Variants in C12orf42 observed in about 807,000 individuals in gnomAD.
C12orf42 encodes chromosome 12 open reading frame 42, also known as uncharacterized protein C12orf42.
A neutral mutation model predicts 21.6 loss-of-function variants in C12orf42; 25 were observed. The ratio of observed to expected loss-of-function variants is 1.16; its 90% CI spans 0.84 to 1.62. C12orf42 has a LOEUF of 1.62. C12orf42 is among the 40% of genes most tolerant of loss of function. The pLI, the probability that C12orf42 is intolerant of heterozygous loss-of-function variation, is 0.00. For synonymous variants in C12orf42, 174 were observed against 175.0 expected (o/e 0.99, Z 0.05); for missense variants, 483 against 459.3 (o/e 1.05, Z -0.47).
chr12:103,213,140 T>C, the C12orf42 span, among the ~76,000 whole-genome samples: 4 of 152,302 alleles, frequency 2.6e-5, no homozygotes, highest in African/African-American at 9.6e-5. Flanking sequence ...AAAGGCAGTA[T>C]TGCTCAAAGC....
the C12orf42 span, among the ~76,000 whole-genome samples, chr12:103,225,221 G>C: frequency 6.6e-6 from 1 of 152,192 alleles, no homozygotes; most frequent in Non-Finnish European, 1.5e-5. Flanking sequence ...AGTGTACTGG[G>C]TTGGGCACCA....
chr12:103,367,965 AAC>A, intron 4 of C12orf42: 1 of 857,402 alleles, frequency 1.2e-6, no homozygotes, highest in South Asian at 1.6e-5. Flanking sequence ...TGAATGAATA[AAC>A]ACATTCAAAA....
the C12orf42 span, among the ~76,000 whole-genome samples, chr12:103,159,029 T>C: frequency 2.6e-5 from 4 of 152,140 alleles, no homozygotes; most frequent in African/African-American, 9.7e-5. Context: ...CAATAATCTA[T>C]CACAAAACAT....
At chr12:103,373,800 A>G in intron 3 of C12orf42, among the ~76,000 whole-genome samples, 1 of 152,236 alleles carries the variant, frequency 6.6e-6, no homozygotes, top group East Asian at 1.9e-4. Flanking sequence ...CTGGACAATA[A>G]GATAAGAATG....
chr12:103,507,263 A>AAT, the C12orf42 span, among the ~76,000 whole-genome samples: 11 of 57,254 alleles, frequency 1.9e-4, 2 homozygotes, highest in Admixed American at 1.4e-3. Flanking sequence ...ATAAATATAT[A>AAT]ATATATATAT....
At chr12:103,261,004 C>G (rs562223211) in intron 10 of C12orf42, among the ~76,000 whole-genome samples, 1 of 152,046 alleles carries the variant, frequency 6.6e-6, no homozygotes, top group Non-Finnish European at 1.5e-5. Context: ...TATAACACCT[C>G]CTGCAAAATT....
chr12:103,371,885 T>G (rs2045275644), intron 3 of C12orf42, among the ~76,000 whole-genome samples: 1 of 152,164 alleles, frequency 6.6e-6, no homozygotes, highest in African/African-American at 2.4e-5. Flanking sequence ...ATTACCCCAA[T>G]TTTACAGATG....
the C12orf42 span, among the ~76,000 whole-genome samples, chr12:103,534,223 G>T: frequency 0.21 from 32,277 of 152,094 alleles, 3,754 homozygotes; most frequent in East Asian, 0.4. Flanking sequence ...TCTGCCAATC[G>T]CTGTGTAGAG....
At chr12:103,502,074 C>T in the C12orf42 span, among the ~76,000 whole-genome samples, 8 of 152,214 alleles carry the variant, frequency 5.3e-5, 1 homozygote, top group South Asian at 1.7e-3. Flanking sequence ...CCTTTTTTAT[C>T]ATTATATCCT....
At chr12:103,474,484 A>C (rs980137501) in intron 2 of C12orf42, among the ~76,000 whole-genome samples, 2 of 136,068 alleles carry the variant, frequency 1.5e-5, no homozygotes, top group Non-Finnish European at 3.2e-5. Flanking sequence ...GTGTGTGTAT[A>C]AAATACATCA....
intron 10 of C12orf42, among the ~76,000 whole-genome samples, chr12:103,259,143 A>G (rs914977148): frequency 4.6e-5 from 7 of 152,234 alleles, no homozygotes; most frequent in African/African-American, 1.7e-4. Context: ...TTAAAGCCTA[A>G]GCCATAATTA....
chr12:103,520,065 C>T, the C12orf42 span, among the ~76,000 whole-genome samples: 41 of 152,258 alleles, frequency 2.7e-4, no homozygotes, highest in Non-Finnish European at 4.3e-4. Context: ...CAAAGAAGTC[C>T]CACTTGACTA....
At chr12:103,464,187 A>T (rs1952940049) in intron 2 of C12orf42, among the ~76,000 whole-genome samples, 1 of 152,108 alleles carries the variant, frequency 6.6e-6, no homozygotes, top group African/African-American at 2.4e-5. Context: ...TTACCTTCCC[A>T]CCAACAGTGT....
chr12:103,482,509 C>T (rs1954541994), intron 1 of C12orf42, among the ~76,000 whole-genome samples: 1 of 151,864 alleles, frequency 6.6e-6, no homozygotes, highest in Non-Finnish European at 1.5e-5. Flanking sequence ...CTCGCTTGTC[C>T]CTTCTGTGGC....
At chr12:103,390,476 C>A (rs1218474972) in intron 3 of C12orf42, among the ~76,000 whole-genome samples, 1 of 152,138 alleles carries the variant, frequency 6.6e-6, no homozygotes, top group Non-Finnish European at 1.5e-5. Flanking sequence ...TCTCCCCAGC[C>A]CCTGGTAACC....
chr12:103,242,348 G>A (rs1035953540), intron 10 of C12orf42, among the ~76,000 whole-genome samples: 1 of 152,026 alleles, frequency 6.6e-6, no homozygotes, highest in African/African-American at 2.4e-5. Context: ...CTTCAATTCA[G>A]CCTCAATTTT....
chr12:103,458,864 C>T (rs1952492475), intron 2 of C12orf42, among the ~76,000 whole-genome samples: 1 of 151,874 alleles, frequency 6.6e-6, no homozygotes, highest in Admixed American at 6.6e-5. Context: ...TCCCATTTTA[C>T]AGTCACAAAC....
At chr12:103,062,548 C>G in the C12orf42 span, among the ~76,000 whole-genome samples, 6 of 151,992 alleles carry the variant, frequency 3.9e-5, no homozygotes, top group South Asian at 2.1e-4. Context: ...TGGTGCAAAA[C>G]TAATCATGAT....
At chr12:103,117,772 A>T in the C12orf42 span, among the ~76,000 whole-genome samples, 1 of 152,138 alleles carries the variant, frequency 6.6e-6, no homozygotes, top group Non-Finnish European at 1.5e-5. Flanking sequence ...CTGGATTATT[A>T]TTTCCTTCCA....
Sources: gnomAD v4.1 joint callset for allele counts (sites outside exome capture counted in the v4.1 genomes callset) on GRCh38, gnomAD v4.1.1 for gene constraint, MANE v1.5 for transcripts, NCBI Gene and HGNC (gene_info 2026-07-23, HGNC 2026-07-21) for gene names.